Variants in GSE1 observed in about 807,000 individuals in gnomAD.
GSE1 encodes genetic suppressor element 1.
GSE1 carries 32 observed loss-of-function variants against 112.6 expected under a neutral mutation model. The observed-to-expected ratio is 0.28, with a 90% CI of 0.21 to 0.38. The LOEUF (loss-of-function observed/expected upper bound fraction) is 0.38. Ranked by LOEUF, GSE1 falls within the 10% of genes least tolerant of loss-of-function variation. The probability of loss-of-function intolerance (pLI) is 1.00; values close to 1 mark genes in which losing one functional copy is unlikely to be tolerated. For missense variants in GSE1, 2,348 were observed against 1,699.2 expected (o/e 1.38, Z -6.71); for synonymous variants, 1,115 against 735.6 (o/e 1.52, Z -8.35).
intron 2 of GSE1, among the ~76,000 whole-genome samples, chr16:85,389,460 C>CA (rs59509773): frequency 0.29 from 22,389 of 77,466 alleles, 3,195 homozygotes; most frequent in Middle Eastern, 0.49. Flanking sequence ...ACTCTGTCTC[C>CA]AAAAAAAAAA....
At chr16:85,280,184 A>G (rs2044815725) in intron 1 of GSE1, among the ~76,000 whole-genome samples, 1 of 152,090 alleles carries the variant, frequency 6.6e-6, no homozygotes, top group Admixed American at 6.6e-5. Flanking sequence ...GGTGCTTAAG[A>G]TGGTAGGAAG....
chr16:85,451,989 C>T (rs2049697346), intron 2 of GSE1, among the ~76,000 whole-genome samples: 1 of 152,080 alleles, frequency 6.6e-6, no homozygotes. Flanking sequence ...GTTTCTGGTT[C>T]CAGGGAGACT....
At chr16:85,484,444 G>C (rs1289154313) in intron 2 of GSE1, among the ~76,000 whole-genome samples, 1 of 152,264 alleles carries the variant, frequency 6.6e-6, no homozygotes, top group African/African-American at 2.4e-5. Flanking sequence ...AACAGATGGA[G>C]TTGAAGGAGT....
At chr16:85,277,697 T>C (rs1413692985) in intron 1 of GSE1, among the ~76,000 whole-genome samples, 1 of 152,202 alleles carries the variant, frequency 6.6e-6, no homozygotes, top group Non-Finnish European at 1.5e-5. Context: ...TGCTGGGGAC[T>C]CCTCACCCCT....
At chr16:85,313,947 T>TGTGA (rs1555560366) in intron 1 of GSE1, among the ~76,000 whole-genome samples, 4 of 137,444 alleles carry the variant, frequency 2.9e-5, no homozygotes, top group Non-Finnish European at 4.5e-5. Context: ...TGTGTGTGTG[T>TGTGA]GACATAGCCT....
chr16:85,267,883 A>G (rs952074991), intron 1 of GSE1, among the ~76,000 whole-genome samples: 1 of 152,230 alleles, frequency 6.6e-6, no homozygotes, highest in Non-Finnish European at 1.5e-5. Context: ...CAGCTCTGCC[A>G]CAGACTAACC....
intron 2 of GSE1, among the ~76,000 whole-genome samples, chr16:85,384,710 T>A (rs1167047404): frequency 6.6e-6 from 1 of 152,194 alleles, no homozygotes; most frequent in East Asian, 1.9e-4. Context: ...GCCCTGTTCT[T>A]CAGGGACCTT....
intron 1 of GSE1, among the ~76,000 whole-genome samples, chr16:85,622,098 C>A (rs1000885863): frequency 2.6e-5 from 4 of 152,198 alleles, no homozygotes; most frequent in African/African-American, 9.7e-5. Context: ...AAGCAGTCAG[C>A]CATTCAGCAG....
rs557349197 is a variant in GSE1 at position 85,654,669 on chromosome 16, C to T, written c.600-125C>T. ...CCGCTGCTTAAGCCCCGTCCTCGTT[C>T]GGGGTGCCAGGAGTCTGGGTGCCGA... On this transcript the variant is annotated intron_variant, in intron 4 of 15. Coordinates refer to ENST00000253458, the MANE Select transcript of GSE1 (RefSeq NM_014615.5). 1.2e-4 allele frequency: 91 copies of T among 746,002 alleles called. 1 individual carries two copies. The highest frequency in any genetic ancestry group is 1.1e-3 in the East Asian group (42 of 37,124). The allele number at this position is 746,002 out of a possible 1,614,324, so 46.2% of individuals were successfully genotyped here. A position where few individuals can be genotyped will look rare whatever the true frequency, so the allele number is the denominator to read the frequency against.
chr16:85,223,418 G>T (rs989495408), intron 1 of GSE1, among the ~76,000 whole-genome samples: 2 of 147,902 alleles, frequency 1.4e-5, no homozygotes, highest in African/African-American at 5.0e-5. Flanking sequence ...AGCTAATCGG[G>T]AGGCTGAGAC....
intron 2 of GSE1, among the ~76,000 whole-genome samples, chr16:85,637,825 G>A (rs779527891): frequency 2.0e-4 from 31 of 152,144 alleles, no homozygotes; most frequent in African/African-American, 7.2e-4. Context: ...AGGTGCCCAA[G>A]AGAGCACCAA....
chr16:85,264,413 G>A (rs1007430965), intron 1 of GSE1, among the ~76,000 whole-genome samples: 4 of 152,078 alleles, frequency 2.6e-5, no homozygotes, highest in Admixed American at 6.5e-5. Context: ...GGGGTTCCAC[G>A]CCTCAACTCC....
At chr16:85,620,050 C>G (rs2048632224) in intron 1 of GSE1, among the ~76,000 whole-genome samples, 1 of 152,120 alleles carries the variant, frequency 6.6e-6, no homozygotes, top group African/African-American at 2.4e-5. Context: ...AATCCCAGCA[C>G]TCCAGGAGGC....
chr16:85,530,638 GA>G (rs1214386261), intron 2 of GSE1, among the ~76,000 whole-genome samples: 1 of 152,228 alleles, frequency 6.6e-6, no homozygotes, highest in Non-Finnish European at 1.5e-5. Context: ...GGGCCCAGGG[GA>G]CAGGTGCGTT....
At chr16:85,665,378 T>G (rs1230756586) in intron 12 of GSE1, among the ~76,000 whole-genome samples, 2 of 152,270 alleles carry the variant, frequency 1.3e-5, no homozygotes, top group African/African-American at 4.8e-5. Context: ...CTGGTCACTA[T>G]GGTCGTAGTA....
intron 1 of GSE1, among the ~76,000 whole-genome samples, chr16:85,207,069 G>A (rs1484573607): frequency 2.0e-5 from 3 of 152,222 alleles, no homozygotes; most frequent in Non-Finnish European, 4.4e-5. Flanking sequence ...CCGAGCGGAG[G>A]GCTCTTGGTG....
intron 1 of GSE1, among the ~76,000 whole-genome samples, chr16:85,628,117 G>T (rs537379901): frequency 6.6e-6 from 1 of 152,336 alleles, no homozygotes; most frequent in South Asian, 2.1e-4. Context: ...GGGTTCCCCG[G>T]CTCTTGGCCT....
chr16:85,618,943 C>T (rs1161436791), intron 1 of GSE1, among the ~76,000 whole-genome samples: 1 of 152,268 alleles, frequency 6.6e-6, no homozygotes, highest in East Asian at 1.9e-4. Flanking sequence ...GAGTTACAGG[C>T]ATGAGCCACT....
chr16:85,616,486 T>C (rs1197850016), intron 1 of GSE1, among the ~76,000 whole-genome samples: 3 of 152,288 alleles, frequency 2.0e-5, no homozygotes, highest in East Asian at 1.9e-4. Context: ...AACCCTGGGA[T>C]CGGGCCAGGG....
Sources: allele counts gnomAD v4.1 joint callset (sites outside exome capture counted in the v4.1 genomes callset), GRCh38; gene constraint gnomAD v4.1.1; transcripts MANE v1.5; gene names NCBI Gene and HGNC (gene_info 2026-07-23, HGNC 2026-07-21).